Variants in AMD1 observed in about 807,000 individuals in gnomAD.
The protein encoded by AMD1 is adenosylmethionine decarboxylase 1.
A neutral mutation model predicts 40.2 loss-of-function variants in AMD1; 11 were observed. The ratio of observed to expected loss-of-function variants is 0.27; its 90% CI spans 0.17 to 0.45. The LOEUF (loss-of-function observed/expected upper bound fraction) is 0.45. Ranked by LOEUF, AMD1 falls within the 20% of genes least tolerant of loss-of-function variation. The probability of loss-of-function intolerance (pLI) is 1.00; values close to 1 mark genes in which losing one functional copy is unlikely to be tolerated. For missense variants in AMD1, 257 were observed against 410.2 expected (o/e 0.63, Z 3.23); for synonymous variants, 121 against 130.8 (o/e 0.93, Z 0.51).
chr6:110,870,890 G>C (rs1006056946), upstream of AMD1, among the ~76,000 whole-genome samples: 1 of 152,200 alleles, frequency 6.6e-6, no homozygotes, highest in Non-Finnish European at 1.5e-5. Flanking sequence ...TTATGTGAGA[G>C]AGAAATAAAC....
intron 2 of AMD1, 69 bp downstream of exon 2, chr6:110,887,660 C>A: frequency 4.4e-6 from 5 of 1,133,920 alleles, no homozygotes; most frequent in Non-Finnish European, 6.2e-6. Context: ...CAGTTAAGTT[C>A]CTCTCAGTTG....
chr6:110,877,311 A>G (rs1275427017), intron 1 of AMD1, among the ~76,000 whole-genome samples: 1 of 152,276 alleles, frequency 6.6e-6, no homozygotes, highest in Non-Finnish European at 1.5e-5. Context: ...TCCCGTGATA[A>G]CCTTCGTTGG....
chr6:110,857,355 A>G, the AMD1 span, among the ~76,000 whole-genome samples: 1 of 151,776 alleles, frequency 6.6e-6, no homozygotes, highest in African/African-American at 2.4e-5. Flanking sequence ...CAATATGAAT[A>G]AAGCCCGTCT....
At chr6:110,816,410 A>G in the AMD1 span, among the ~76,000 whole-genome samples, 1 of 152,214 alleles carries the variant, frequency 6.6e-6, no homozygotes, top group Non-Finnish European at 1.5e-5. Context: ...ACACTACCCC[A>G]AATTATAACT....
At chr6:110,826,269 C>T in the AMD1 span, among the ~76,000 whole-genome samples, 1 of 115,866 alleles carries the variant, frequency 8.6e-6, no homozygotes, top group Non-Finnish European at 1.7e-5. Flanking sequence ...GAGACACCAT[C>T]CCAAAAAAAA....
chr6:110,831,857 T>A, the AMD1 span, among the ~76,000 whole-genome samples: 4,105 of 152,186 alleles, frequency 0.027, 79 homozygotes, highest in South Asian at 0.079. Flanking sequence ...TTATTTATTT[T>A]TTTTTAGACA....
At chr6:110,842,677 T>C in the AMD1 span, among the ~76,000 whole-genome samples, 1 of 152,210 alleles carries the variant, frequency 6.6e-6, no homozygotes, top group Non-Finnish European at 1.5e-5. Context: ...TAGTTTTTAA[T>C]GTCTATGTGG....
At chr6:110,843,774 C>T in the AMD1 span, among the ~76,000 whole-genome samples, 43 of 151,810 alleles carry the variant, frequency 2.8e-4, no homozygotes, top group African/African-American at 8.4e-4. Context: ...TTTTTTGTAC[C>T]GGTGGGGTCT....
intron 1 of AMD1, among the ~76,000 whole-genome samples, chr6:110,879,222 C>T (rs879616174): frequency 6.6e-6 from 1 of 152,118 alleles, no homozygotes; most frequent in Non-Finnish European, 1.5e-5. Context: ...CATCCTGGTG[C>T]GTGTCTGCAT....
chr6:110,891,988 C>T, intron 4 of AMD1, 173 bp from the exon 5 acceptor site: 1 of 745,084 alleles, frequency 1.3e-6, no homozygotes, highest in Non-Finnish European at 2.2e-6. Flanking sequence ...ACCTCTGCCT[C>T]CCTGCCAAAA....
At chr6:110,828,448 GAAAGA>G in the AMD1 span, among the ~76,000 whole-genome samples, 2 of 151,308 alleles carry the variant, frequency 1.3e-5, no homozygotes, top group Non-Finnish European at 2.9e-5. Context: ...AAAAAAGAAA[GAAAGA>G]AAAGAAAAGA....
chr6:110,824,739 C>A, the AMD1 span, among the ~76,000 whole-genome samples: 1 of 151,766 alleles, frequency 6.6e-6, no homozygotes, highest in African/African-American at 2.4e-5. Flanking sequence ...AAAAAAAGCA[C>A]TGAAGGTAAG....
chr6:110,872,703 T>G (rs2115262026), upstream of AMD1, among the ~76,000 whole-genome samples: 1 of 152,284 alleles, frequency 6.6e-6, no homozygotes, highest in East Asian at 1.9e-4. Context: ...AAATGATATA[T>G]TTTACAAAGG....
chr6:110,892,463 A>G lies in AMD1; in HGVS notation c.615+20A>G, dbSNP rs774513872. 4.3e-6 allele frequency: 7 copies of G among 1,611,122 alleles called. No homozygotes were observed. In the Admixed American group the frequency reaches 6.7e-5, roughly 15 times the overall value. On this transcript the variant is annotated intron_variant, in intron 6 of 8. Transcript: ENST00000368885. The stretch of plus-strand genomic sequence containing the variant: ...ACTCGTGTAAGCATTTTTAGTAATA[A>G]TTGTTGCTGGACTCTTCTGCGTGGG...
chr6:110,861,520 T>C, the AMD1 span, among the ~76,000 whole-genome samples: 3 of 145,866 alleles, frequency 2.1e-5, no homozygotes, highest in African/African-American at 7.7e-5. Context: ...TGAGACTCCA[T>C]CTCAAAAAAT....
At chr6:110,835,181 G>T in the AMD1 span, among the ~76,000 whole-genome samples, 1 of 151,172 alleles carries the variant, frequency 6.6e-6, no homozygotes, top group African/African-American at 2.4e-5. Context: ...ACCACGCCCG[G>T]CTAATTTTTT....
At chr6:110,858,041 G>A in the AMD1 span, among the ~76,000 whole-genome samples, 1 of 151,816 alleles carries the variant, frequency 6.6e-6, no homozygotes, top group Non-Finnish European at 1.5e-5. Context: ...ACATGGTTTT[G>A]CTATGTTGCC....
At chr6:110,845,834 T>C in the AMD1 span, among the ~76,000 whole-genome samples, 11 of 152,314 alleles carry the variant, frequency 7.2e-5, 1 homozygote, top group East Asian at 2.1e-3. Context: ...TAAACTCCTA[T>C]TCATATATAC....
At chr6:110,884,495 G>A (rs1785580274) in intron 1 of AMD1, among the ~76,000 whole-genome samples, 1 of 152,168 alleles carries the variant, frequency 6.6e-6, no homozygotes, top group African/African-American at 2.4e-5. Context: ...GTGTAGCGGT[G>A]TGATCATGGT....
Sources: gnomAD v4.1 joint callset for allele counts (sites outside exome capture counted in the v4.1 genomes callset) on GRCh38, gnomAD v4.1.1 for gene constraint, MANE v1.5 for transcripts, NCBI Gene and HGNC (gene_info 2026-07-23, HGNC 2026-07-21) for gene names.